Variants in DPP4 observed in about 807,000 individuals in gnomAD.
DPP4 encodes the protein ADCP-2.
In DPP4, 93 loss-of-function variants were observed where a neutral mutation model predicts 122.4. The ratio of observed to expected loss-of-function variants is 0.76; its 90% CI spans 0.64 to 0.90. DPP4 has a LOEUF of 0.90. DPP4 is among the 40% of genes least tolerant of loss of function. DPP4 has a pLI of 0.00. For synonymous variants in DPP4, 321 were observed against 302.9 expected (o/e 1.06, Z -0.62); for missense variants, 914 against 907.3 (o/e 1.01, Z -0.09).
At chr2:162,014,858 A>G (rs983605644) in intron 18 of DPP4, among the ~76,000 whole-genome samples, 3 of 152,098 alleles carry the variant, frequency 2.0e-5, no homozygotes, top group African/African-American at 7.2e-5. Flanking sequence ...ATTTCCTTGA[A>G]GCTGTTTAGG....
chr2:162,066,863 T>G (rs561557114), intron 2 of DPP4, among the ~76,000 whole-genome samples: 2 of 152,246 alleles, frequency 1.3e-5, no homozygotes, highest in Admixed American at 1.3e-4. Flanking sequence ...AATCAGCTGT[T>G]ACGGAAACGA....
chr2:162,053,202 A>G (rs1252973204), intron 2 of DPP4, among the ~76,000 whole-genome samples: 1 of 152,232 alleles, frequency 6.6e-6, no homozygotes, highest in East Asian at 1.9e-4. Context: ...TTTAAGTTTA[A>G]TAAGGAGATT....
At chr2:162,022,163 A>G (rs1315601897) in intron 12 of DPP4, among the ~76,000 whole-genome samples, 1 of 152,176 alleles carries the variant, frequency 6.6e-6, no homozygotes, top group African/African-American at 2.4e-5. Context: ...TCTGGGTGGT[A>G]ATTCTGTGCA....
At chr2:162,031,905 T>G (rs1683561905) in intron 10 of DPP4, 1 of 152,206 alleles carries the variant, frequency 6.6e-6, no homozygotes, top group Non-Finnish European at 1.5e-5. Flanking sequence ...AGGCAGACTT[T>G]GAAACCTTTG....
rs1685218700 is a variant in DPP4, at chr2:162,073,960, G to A, written c.6+16C>T. 10 of 1,611,806 alleles carry A rather than the reference G, an allele frequency of 6.2e-6. No individual in the cohort carries two copies. The highest frequency in any genetic ancestry group is 1.3e-5 in the African/African-American group (1 of 74,848). The stretch of plus-strand genomic sequence containing the variant: ...CCCACAGCTCGCCCCGGGGACGTAC[G>A]TGGCGCGGCACTCACCTTCATCGTC... On this transcript the variant is annotated intron_variant, in intron 1 of 25. Transcript: ENST00000360534.
chr2:162,016,987 C>A, intron 17 of DPP4, 121 bp from the exon 18 acceptor site: 1 of 1,406,838 alleles, frequency 7.1e-7, no homozygotes, highest in South Asian at 1.3e-5. Context: ...GGTTATAAGG[C>A]TTGTGTTCAA....
intron 2 of DPP4, among the ~76,000 whole-genome samples, chr2:162,053,112 C>T (rs1684439508): frequency 6.6e-6 from 1 of 152,208 alleles, no homozygotes; most frequent in Non-Finnish European, 1.5e-5. Flanking sequence ...GGAAAAGTCT[C>T]AGCCTGGCCT....
chr2:162,038,562 C>T (rs937305983), intron 7 of DPP4, 140 bp from the exon 8 acceptor site: 24 of 894,784 alleles, frequency 2.7e-5, no homozygotes, highest in Admixed American at 1.9e-4. Context: ...GTCATTTACT[C>T]CTTCCCTCTC....
intron 23 of DPP4, among the ~76,000 whole-genome samples, chr2:162,004,268 T>C (rs1257876605): frequency 6.6e-6 from 1 of 151,956 alleles, no homozygotes; most frequent in Admixed American, 6.6e-5. Flanking sequence ...GAAGACAAGA[T>C]AAGGGGAGAC....
chr2:162,023,166 C>T (rs1363977697), intron 11 of DPP4, among the ~76,000 whole-genome samples: 2 of 152,092 alleles, frequency 1.3e-5, no homozygotes, highest in African/African-American at 2.4e-5. Context: ...TAGATTCCTG[C>T]CCTCCTCATA....
intron 2 of DPP4, among the ~76,000 whole-genome samples, chr2:162,062,142 C>T (rs1372566536): frequency 1.3e-5 from 2 of 151,068 alleles, no homozygotes; most frequent in African/African-American, 2.4e-5. Context: ...ATTAGCTGGG[C>T]GTGGTGGTGC....
rs1683091574 is a variant in DPP4, at chr2:162,020,632, G to T, written c.1125C>A (p.Ile375=). ...TLDGNSFYKI[I]SNEEGYRHIC... ...TGTGTCTGTAACCTTCTTCATTGCT[G>T]ATGATCTTGTAGAAGCTATTACCAT... Residue 375 remains isoleucine, a synonymous_variant, in exon 13 of 26, where the codon ATC becomes ATA. Coordinates refer to ENST00000360534, the MANE Select transcript of DPP4 (RefSeq NM_001935.4). 2.5e-6 allele frequency: 4 copies of T among 1,612,804 alleles called. No homozygotes were observed. The East Asian group carries it at 6.7e-5, about 27-fold the overall frequency.
intron 2 of DPP4, among the ~76,000 whole-genome samples, chr2:162,072,095 T>C (rs2106164335): frequency 6.6e-6 from 1 of 152,362 alleles, no homozygotes; most frequent in East Asian, 1.9e-4. Context: ...CACTAGCTTA[T>C]ACAGTCCTTG....
At chr2:162,018,675 T>C in intron 16 of DPP4, 54 bp downstream of exon 16, 1 of 1,590,244 alleles carries the variant, frequency 6.3e-7, no homozygotes, top group Non-Finnish European at 8.5e-7. Flanking sequence ...AGGGAGCTGC[T>C]TCGAAGTGAG....
chr2:161,996,153 G>A (rs1321621883), intron 23 of DPP4, among the ~76,000 whole-genome samples: 1 of 152,186 alleles, frequency 6.6e-6, no homozygotes, highest in Non-Finnish European at 1.5e-5. Context: ...TGAGGGTCAG[G>A]AGTCTTGGAT....
chr2:162,022,859 C>A, intron 11 of DPP4, 60 bp from the exon 12 acceptor site: 2 of 1,549,132 alleles, frequency 1.3e-6, no homozygotes, highest in South Asian at 1.1e-5. Flanking sequence ...AATCTATAGC[C>A]ATAATTTGTG....
At chr2:162,024,571 G>C (rs1683250017) in intron 11 of DPP4, among the ~76,000 whole-genome samples, 1 of 152,166 alleles carries the variant, frequency 6.6e-6, no homozygotes, top group African/African-American at 2.4e-5. Flanking sequence ...CCAAGTGATA[G>C]TATCCATAAC....
intron 5 of DPP4, among the ~76,000 whole-genome samples, chr2:162,042,754 C>G (rs540965920): frequency 6.6e-6 from 1 of 152,292 alleles, no homozygotes; most frequent in South Asian, 2.1e-4. Flanking sequence ...TGGCCCTGTC[C>G]TAGGCACAGA....
intron 10 of DPP4, among the ~76,000 whole-genome samples, chr2:162,026,859 T>C (rs997056791): frequency 1.3e-5 from 2 of 152,180 alleles, no homozygotes; most frequent in East Asian, 3.8e-4. Context: ...CTTTCTGAAA[T>C]TAGTTTTTTA....
Sources: allele counts gnomAD v4.1 joint callset (sites outside exome capture counted in the v4.1 genomes callset), GRCh38; gene constraint gnomAD v4.1.1; transcripts MANE v1.5; gene names NCBI Gene and HGNC (gene_info 2026-07-23, HGNC 2026-07-21).